The following FAM110C variants were observed in gnomAD, a reference collection of about 807,000 sequenced individuals.
The protein encoded by FAM110C is protein FAM110C.
A neutral mutation model predicts 15.7 loss-of-function variants in FAM110C; 19 were observed. The observed-to-expected ratio is 1.21, with a 90% confidence interval of 0.85 to 1.78. The LOEUF (loss-of-function observed/expected upper bound fraction) is 1.78. FAM110C is among the 40% of genes most tolerant of loss of function. The pLI is 0.00. For missense variants in FAM110C, 547 were observed against 495.7 expected (o/e 1.10, Z -0.98); for synonymous variants, 275 against 233.9 (o/e 1.18, Z -1.61).
chr2:42,354 T>C, intron 1 of FAM110C: 1 of 976,186 alleles, frequency 1.0e-6, no homozygotes, highest in Non-Finnish European at 1.2e-6. Flanking sequence ...CAATGTTTTA[T>C]GCCTAATTTC....
rs1664099768 is a variant in FAM110C at position 40,659 on chromosome 2, T to C, written c.*949A>G. 6.6e-6 allele frequency: 1 copy of C among 152,174 alleles called. No individual in the cohort carries two copies. The allele number at this position is 152,174 out of a possible 1,614,324, so 9.4% of individuals were successfully genotyped here. On this transcript the variant is annotated 3_prime_UTR_variant, in exon 2 of 2. Coordinates refer to ENST00000327669, the MANE Select transcript of FAM110C (RefSeq NM_001077710.3). Reference sequence around the variant, plus strand: ...AAATTTGGGTTGATTACGTCATATGTGGAGGTGTGAGTCAGATCAAAGGGC... The same window carrying C: ...AAATTTGGGTTGATTACGTCATATGCGGAGGTGTGAGTCAGATCAAAGGGC...
rs568599462 is a variant in FAM110C at position 41,672 on chromosome 2, A to G, written c.947-45T>C. 9 of 1,612,198 alleles carry G rather than the reference A, an allele frequency of 5.6e-6. No individual in the cohort carries two copies. The East Asian group carries it at 2.0e-4, about 36-fold the overall frequency. On this transcript the variant is annotated intron_variant, in intron 1 of 1. Transcript: ENST00000327669. ...ATAGTGAATCAACTCCAGTCTAGAC[A>G]AAAGTTAGTATAATGAAAACTAAAC...
chr2:45,892 G>A lies in FAM110C; in HGVS notation c.494C>T (p.Pro165Leu). The A allele has an allele frequency of 7.0e-7, 1 of 1,430,290 alleles. No homozygotes were observed. The allele number at this position is 1,430,290 out of a possible 1,614,324, so 88.6% of individuals were successfully genotyped here. Residue 165 changes from proline (P) to leucine (L), a missense_variant, in exon 1 of 2, where the codon CCC becomes CTC. Pro to Leu is a moderately conservative substitution (Grantham distance 98, BLOSUM62 -3). Coordinates refer to ENST00000327669, the MANE Select transcript of FAM110C (RefSeq NM_001077710.3). ...CCGCGCGGCTGGGGCTGGGGTCTCG[G>A]GGATTGCGGGGTCCGCCGCGGGGCC... The part of the protein sequence containing the change: ...TPGPAADPAI[P>L]ETPAPAARSA...
At chr2:44,837 C>T in intron 1 of FAM110C, 1 of 984,980 alleles carries the variant, frequency 1.0e-6, no homozygotes. Context: ...TAAAATTTAG[C>T]CAAATAAAGA....
intron 1 of FAM110C, chr2:43,636 G>C (rs879208847): frequency 2.0e-6 from 2 of 985,312 alleles, no homozygotes; most frequent in Non-Finnish European, 2.4e-6. Context: ...ATGGGAACCA[G>C]CCTGGGTCTG....
rs1664123023 is a variant in FAM110C at position 41,464 on chromosome 2, G to T, written c.*144C>A. ...GGTCTGTGTTCCCATATTCTCTGTA[G>T]TATTTTAAACCTTCTCAGAGCACTT... On this transcript the variant is annotated 3_prime_UTR_variant, in exon 2 of 2. Coordinates refer to ENST00000327669, the MANE Select transcript of FAM110C (RefSeq NM_001077710.3). The T allele has an allele frequency of 1.2e-6, 1 of 850,224 alleles. No homozygotes were observed. Among genetic ancestry groups the T allele is most frequent in the Non-Finnish European group, 1.8e-6 (1 of 554,288 alleles). The allele number at this position is 850,224 out of a possible 1,614,324, so 52.7% of individuals were successfully genotyped here.
intron 1 of FAM110C, chr2:44,789 C>G: frequency 1.0e-6 from 1 of 985,362 alleles, no homozygotes; most frequent in Non-Finnish European, 1.2e-6. Context: ...GTCCAATTTC[C>G]CCAGTTTAAA....
rs376142870 is a variant in FAM110C at position 46,464 on chromosome 2, C to A, written c.-79G>T. The A allele has an allele frequency of 6.5e-5, 75 of 1,149,810 alleles. No individual in the cohort carries two copies. The East Asian group carries it at 1.1e-3, about 17-fold the overall frequency. The allele number at this position is 1,149,810 out of a possible 1,614,324, so 71.2% of individuals were successfully genotyped here. A position where few individuals can be genotyped will look rare whatever the true frequency, so the allele number is the denominator to read the frequency against. On this transcript the variant is annotated 5_prime_UTR_variant, in exon 1 of 2. Transcript: ENST00000327669. ...GTGGTAGAGCCAGTCAGTCCCAGGG[C>A]CGGTTCCGAAGTCCGCGCCGGGTGG...
rs546255036 is a variant in FAM110C at position 41,362 on chromosome 2, G to A, written c.*246C>T. On this transcript the variant is annotated 3_prime_UTR_variant, in exon 2 of 2. Coordinates refer to ENST00000327669, the MANE Select transcript of FAM110C (RefSeq NM_001077710.3). ...CTTTACGGTTTCCAGCTGCCCTCTG[G>A]AAGCAACACTAGTTTCACCTCAAAC... is the stretch of plus-strand genomic sequence containing the variant. 102 of 412,754 alleles carry A rather than the reference G, an allele frequency of 2.5e-4. No individual in the cohort carries two copies. The highest frequency in any genetic ancestry group is 3.8e-4 in the Non-Finnish European group (88 of 234,450). The allele number at this position is 412,754 out of a possible 1,614,324, so 25.6% of individuals were successfully genotyped here.
chr2:40,580 A>T lies in FAM110C; in HGVS notation c.*1028T>A, dbSNP rs1664097884. The T allele has an allele frequency of 6.6e-6, 1 of 152,208 alleles. No homozygotes were observed. Among genetic ancestry groups the T allele is most frequent in the African/African-American group, 2.4e-5 (1 of 41,442 alleles). 9.4% of individuals were successfully genotyped at this position (152,208 alleles called of 1,614,324 possible). Reference sequence around the variant, plus strand: ...GAACATTCTCATTATAGCCGCCCTCAGGCTGTCCCTTGTTTCAAAATATGC... The same window carrying T: ...GAACATTCTCATTATAGCCGCCCTCTGGCTGTCCCTTGTTTCAAAATATGC... On this transcript the variant is annotated 3_prime_UTR_variant, in exon 2 of 2. Transcript: ENST00000327669.
At position 39,416 on chromosome 2, in the gene FAM110C, C is replaced by A. The variant is rs1051930043; in HGVS notation, c.*2192G>T. 2 of 152,196 alleles carry A rather than the reference C, an allele frequency of 1.3e-5. No homozygotes were observed. The highest frequency in any genetic ancestry group is 2.1e-4 in the South Asian group (1 of 4,838). 9.4% of individuals were successfully genotyped at this position (152,196 alleles called of 1,614,324 possible). ...TTGGGATTAAAGGCATGAGCCACCG[C>A]CCCTGGCTGAAGAAGGAACTCACCT... On this transcript the variant is annotated 3_prime_UTR_variant, in exon 2 of 2. Coordinates refer to ENST00000327669, the MANE Select transcript of FAM110C (RefSeq NM_001077710.3).
At chr2:42,871 C>G (rs1057442045) in intron 1 of FAM110C, 7 of 985,464 alleles carry the variant, frequency 7.1e-6, no homozygotes, top group Non-Finnish European at 8.4e-6. Context: ...TTATAAATTT[C>G]AGCAGAAAAA....
Position 45,482 on chromosome 2 carries a change from T to G in FAM110C, c.904A>C (p.Lys302Gln). 6.2e-7 allele frequency: 1 copy of G among 1,614,014 alleles called. No homozygotes were observed. The highest frequency in any genetic ancestry group is 8.5e-7 in the Non-Finnish European group (1 of 1,179,948). The change falls in exon 1 of 2, where the codon AAG becomes CAG. Residue 302 changes from lysine to glutamine, a missense_variant. By Grantham distance (53) the Lys-to-Gln change is moderately conservative. Transcript: ENST00000327669. The part of the protein sequence containing the change: ...RIIKWLYTCK[K>Q]AKETPSQEQS... ...TCCTGGCTGGGGGTCTCCTTGGCCT[T>G]CTTACAGGTGTACAGCCACTTGATG... is the stretch of plus-strand genomic sequence containing the variant.
chr2:46,139 C>CCGGGGCG lies in FAM110C; in HGVS notation c.240_246dup (p.Ala83ArgfsTer52). The CCGGGGCG allele has an allele frequency of 7.0e-7, 1 of 1,438,590 alleles. No individual in the cohort carries two copies. The highest frequency in any genetic ancestry group is 9.1e-7 in the Non-Finnish European group (1 of 1,102,654). The allele number at this position is 1,438,590 out of a possible 1,614,324, so 89.1% of individuals were successfully genotyped here. A position where few individuals can be genotyped will look rare whatever the true frequency, so the allele number is the denominator to read the frequency against. ...GCAATAGCCCTGCGCGCCACCGGGG[C>CCGGGGCG]CGGGGCGCGGGCCGGGGGCCCAGGG... On this transcript the variant is annotated frameshift_variant, in exon 1 of 2. Coordinates refer to ENST00000327669, the MANE Select transcript of FAM110C (RefSeq NM_001077710.3). LOFTEE classifies it high-confidence loss of function.
rs957289912 is a variant in FAM110C, at chr2:46,191, C to A, written c.195G>T (p.Pro65=). Residue 65 remains proline, a synonymous_variant, in exon 1 of 2, where the codon CCG becomes CCT. Transcript: ENST00000327669. ...GRGVASEGSG[P]GAIKCPGNDP... ...CGTTCCCCGGGCACTTGATCGCCCC[C>A]GGGCCGCTGCCCTCGGAAGCGACGC... The A allele has an allele frequency of 3.6e-6, 5 of 1,382,514 alleles. No homozygotes were observed. The highest frequency in any genetic ancestry group is 1.7e-5 in the South Asian group (1 of 60,038). The allele number at this position is 1,382,514 out of a possible 1,614,324, so 85.6% of individuals were successfully genotyped here.
chr2:44,584 A>G, intron 1 of FAM110C: 1 of 985,438 alleles, frequency 1.0e-6, no homozygotes, highest in Non-Finnish European at 1.2e-6. Context: ...AGCCCTGAAA[A>G]GGTTCTTTCT....
In FAM110C at chr2:41,461, G is replaced by A; in HGVS notation, c.*147C>T. On this transcript the variant is annotated 3_prime_UTR_variant, in exon 2 of 2. Transcript: ENST00000327669. ...CAAGGTCTGTGTTCCCATATTCTCT[G>A]TAGTATTTTAAACCTTCTCAGAGCA... 1 of 818,002 alleles carries A rather than the reference G, an allele frequency of 1.2e-6. No individual in the cohort carries two copies. Among genetic ancestry groups the A allele is most frequent in the Non-Finnish European group, 1.9e-6 (1 of 525,610 alleles). 50.7% of individuals were successfully genotyped at this position (818,002 alleles called of 1,614,324 possible).
chr2:42,996 G>T lies in FAM110C; in HGVS notation c.947-1369C>A, dbSNP rs1664166960. The T allele has an allele frequency of 8.1e-6, 8 of 985,464 alleles. No homozygotes were observed. The South Asian group carries it at 3.3e-4, about 41-fold the overall frequency. The allele number at this position is 985,464 out of a possible 1,614,324, so 61.0% of individuals were successfully genotyped here. On this transcript the variant is annotated intron_variant, in intron 1 of 1. Coordinates refer to ENST00000327669, the MANE Select transcript of FAM110C (RefSeq NM_001077710.3). Reference sequence around the variant, plus strand: ...CCCACTGACCAGGTGTTCACACTCTGTCGTGGCTTTCCCTGCTGGTCTCCT... The same window carrying T: ...CCCACTGACCAGGTGTTCACACTCTTTCGTGGCTTTCCCTGCTGGTCTCCT...
In FAM110C at chr2:39,035, A is replaced by C. The variant is rs1664057794; in HGVS notation, c.*2573T>G. 6.6e-6 allele frequency: 1 copy of C among 152,220 alleles called. No individual in the cohort carries two copies. Among genetic ancestry groups the C allele is most frequent in the East Asian group, 1.9e-4 (1 of 5,198 alleles). 9.4% of individuals were successfully genotyped at this position (152,220 alleles called of 1,614,324 possible). A position where few individuals can be genotyped will look rare whatever the true frequency, so the allele number is the denominator to read the frequency against. On this transcript the variant is annotated 3_prime_UTR_variant, in exon 2 of 2. Transcript: ENST00000327669. Reference sequence around the variant, plus strand: ...AAAGCCTCCTTTTTCTTCCAGTTTCAGTGCCCAGTAGTTTAAAACATTCTA... The same window carrying C: ...AAAGCCTCCTTTTTCTTCCAGTTTCCGTGCCCAGTAGTTTAAAACATTCTA...
Sources: allele counts gnomAD v4.1 joint callset, GRCh38; gene constraint gnomAD v4.1.1; transcripts MANE v1.5; gene names NCBI Gene and HGNC (gene_info 2026-07-23, HGNC 2026-07-21).